The following TAF2 variants were observed in gnomAD, a reference collection of about 807,000 sequenced individuals.
TAF2 encodes the protein transcription initiation factor TFIID subunit 2.
A neutral mutation model predicts 138.5 loss-of-function variants in TAF2; 61 were observed. The observed-to-expected ratio is 0.44, with a 90% CI of 0.36 to 0.54. The LOEUF (loss-of-function observed/expected upper bound fraction) is 0.54, where lower values mean the gene tolerates loss of function less well. Ranked by LOEUF, TAF2 falls within the 20% of genes least tolerant of loss-of-function variation. The probability of loss-of-function intolerance (pLI) is 0.00; values close to 1 mark genes in which losing one functional copy is unlikely to be tolerated. For synonymous variants in TAF2, 475 were observed against 469.9 expected (o/e 1.01, Z -0.14); for missense variants, 1,090 against 1,427.9 (o/e 0.76, Z 3.81).
At chr8:119,815,574 C>T (rs906369773) in intron 3 of TAF2, among the ~76,000 whole-genome samples, 6 of 151,184 alleles carry the variant, frequency 4.0e-5, no homozygotes, top group African/African-American at 1.5e-4. Context: ...TGCACCCGGC[C>T]GAGACTTGGT....
intron 19 of TAF2, among the ~76,000 whole-genome samples, chr8:119,761,442 ATATAAG>A (rs1490327562): frequency 1.3e-5 from 2 of 152,228 alleles, no homozygotes; most frequent in African/African-American, 2.4e-5. Flanking sequence ...GTTAAGTGAC[ATATAAG>A]TATAATAAAT....
At chr8:119,788,664 G>A (rs1005514528) in intron 13 of TAF2, 126 bp downstream of exon 13, 7 of 825,944 alleles carry the variant, frequency 8.5e-6, no homozygotes, top group Non-Finnish European at 1.2e-5. Flanking sequence ...CAAAGTCAAT[G>A]TTTTCTCAAT....
At chr8:119,790,834 T>C (rs1823375762) in intron 11 of TAF2, among the ~76,000 whole-genome samples, 1 of 152,150 alleles carries the variant, frequency 6.6e-6, no homozygotes, top group Non-Finnish European at 1.5e-5. Context: ...TCTCACTCTG[T>C]CACCCAGGCT....
rs1331494297 is a variant in TAF2, at chr8:119,806,285, T to C, written c.416A>G (p.Asp139Gly). The C allele has an allele frequency of 1.2e-6, 2 of 1,612,684 alleles. No individual in the cohort carries two copies. The highest frequency in any genetic ancestry group is 1.3e-5 in the African/African-American group (1 of 74,902). ...KVPSELWKHV[D>G]ELKVLKIHIN... The stretch of plus-strand genomic sequence containing the variant: ...TCAATATACTCTTGGTGCTTTACCA[T>C]CAACGTGTTTCCATAGCTCTGATGG... Residue 139 changes from aspartate to glycine, a missense_variant and splice_region_variant, in exon 4 of 26, where the codon GAT becomes GGT. By Grantham distance (94) the Asp-to-Gly change is moderately conservative. This residue lies in a region of TAF2 where 504 missense variants were observed against 680.9 expected (regional missense o/e 0.74). Transcript: ENST00000378164.
At chr8:119,748,999 T>A (rs1055519610) in intron 22 of TAF2, among the ~76,000 whole-genome samples, 3 of 152,062 alleles carry the variant, frequency 2.0e-5, no homozygotes, top group African/African-American at 7.2e-5. Flanking sequence ...TGAAGATCAA[T>A]GTCGCCATGA....
intron 18 of TAF2, among the ~76,000 whole-genome samples, chr8:119,775,109 T>C (rs1365641695): frequency 6.6e-6 from 1 of 151,644 alleles, no homozygotes; most frequent in African/African-American, 2.4e-5. Context: ...TGAAACCCTG[T>C]CTCTACTAAA....
At chr8:119,822,917 C>T (rs1326956197) in intron 2 of TAF2, among the ~76,000 whole-genome samples, 2 of 152,134 alleles carry the variant, frequency 1.3e-5, no homozygotes, top group African/African-American at 4.8e-5. Flanking sequence ...ACCCTAAATC[C>T]TTAAATTCAA....
At chr8:119,776,162 G>C (rs1822217280) in intron 18 of TAF2, among the ~76,000 whole-genome samples, 1 of 152,100 alleles carries the variant, frequency 6.6e-6, no homozygotes, top group Non-Finnish European at 1.5e-5. Flanking sequence ...AATGATCATA[G>C]AGCCTATCAG....
intron 24 of TAF2, among the ~76,000 whole-genome samples, chr8:119,743,887 ATGAC>A (rs1329882796): frequency 5.9e-5 from 9 of 152,156 alleles, no homozygotes; most frequent in Admixed American, 5.9e-4. Flanking sequence ...ATGTAGGAAA[ATGAC>A]TGACATAATA....
chr8:119,776,550 G>T (rs1401519260), intron 18 of TAF2, among the ~76,000 whole-genome samples: 1 of 151,064 alleles, frequency 6.6e-6, no homozygotes, highest in African/African-American at 2.4e-5. Flanking sequence ...TTAGCCGGGC[G>T]TAGTGGCGGG....
chr8:119,830,712 C>A (rs552088644), intron 2 of TAF2, among the ~76,000 whole-genome samples: 1 of 152,342 alleles, frequency 6.6e-6, no homozygotes, highest in Admixed American at 6.5e-5. Flanking sequence ...GGTAACAAAT[C>A]TGACAGAGAA....
At chr8:119,830,950 T>C (rs1209193461) in intron 2 of TAF2, among the ~76,000 whole-genome samples, 1 of 151,976 alleles carries the variant, frequency 6.6e-6, no homozygotes, top group Non-Finnish European at 1.5e-5. Flanking sequence ...CCATTAAAAA[T>C]ACACAAATAA....
chr8:119,744,971 C>A (rs1186110818), intron 23 of TAF2: 6 of 456,114 alleles, frequency 1.3e-5, no homozygotes, highest in Non-Finnish European at 2.6e-5. Flanking sequence ...TATCAGACTT[C>A]CTCTTCACTC....
At chr8:119,811,805 CAA>C (rs771523182) in intron 3 of TAF2, among the ~76,000 whole-genome samples, 3 of 60,330 alleles carry the variant, frequency 5.0e-5, no homozygotes, top group African/African-American at 6.3e-5. Flanking sequence ...GACTCCGTCT[CAA>C]AAAAAAAAAA....
At chr8:119,759,968 T>C (rs1410757346) in intron 20 of TAF2, among the ~76,000 whole-genome samples, 3 of 152,108 alleles carry the variant, frequency 2.0e-5, no homozygotes, top group Admixed American at 6.5e-5. Context: ...ACTCACACAT[T>C]TTCCCTTAGC....
Position 119,757,833 on chromosome 8 carries a change from T to C in TAF2, c.2768+240A>G, listed in dbSNP as rs1820801100. On this transcript the variant is annotated intron_variant, in intron 21 of 25. Transcript: ENST00000378164. ...ATCGCTTGAACCCAGGAGGCGGAGG[T>C]TGCAGTGAGCCGAGATCGTGCCACT... 2.0e-5 allele frequency among the ~76,000 whole-genome samples: 3 copies of C among 151,884 alleles called. No homozygotes were observed. In the South Asian group the frequency reaches 6.2e-4, roughly 32 times the overall value.
chr8:119,813,381 T>C (rs1825230985), intron 3 of TAF2, among the ~76,000 whole-genome samples: 1 of 152,244 alleles, frequency 6.6e-6, no homozygotes, highest in South Asian at 2.1e-4. Context: ...TGTTAGGTGA[T>C]TCTCTTGAGG....
chr8:119,773,335 A>G (rs768080326), intron 18 of TAF2, among the ~76,000 whole-genome samples: 1 of 151,528 alleles, frequency 6.6e-6, no homozygotes, highest in Non-Finnish European at 1.5e-5. Flanking sequence ...TTCCAAGTTA[A>G]AAGTTGATAT....
chr8:119,786,846 G>A (rs1292026383), intron 14 of TAF2, among the ~76,000 whole-genome samples: 5 of 152,072 alleles, frequency 3.3e-5, no homozygotes, highest in African/African-American at 9.7e-5. Context: ...TGCTTGAACC[G>A]GGAGGCGGAG....
Sources: gnomAD v4.1 joint callset for allele counts (sites outside exome capture counted in the v4.1 genomes callset) on GRCh38, gnomAD v4.1.1 for gene constraint, gnomAD v4.1.1 regional missense constraint, MANE v1.5 for transcripts, NCBI Gene and HGNC (gene_info 2026-07-23, HGNC 2026-07-21) for gene names.